Variants in MAPKAPK3 observed in about 807,000 individuals in gnomAD.
MAPKAPK3 encodes the protein MAPK activated protein kinase 3.
Under a neutral mutation model 49.2 loss-of-function variants are expected in MAPKAPK3, and 35 were observed. That is an observed-to-expected ratio of 0.71 (90% CI 0.54 to 0.94). The LOEUF (loss-of-function observed/expected upper bound fraction) is 0.94, where lower values mean the gene tolerates loss of function less well. MAPKAPK3 is among the 40% of genes least tolerant of loss of function. The probability of loss-of-function intolerance (pLI) is 0.00; values close to 1 mark genes in which losing one functional copy is unlikely to be tolerated. For synonymous variants in MAPKAPK3, 178 were observed against 188.7 expected, an observed-to-expected ratio of 0.94 and a Z score of 0.46; for missense variants, 398 against 493.1, an observed-to-expected ratio of 0.81 and a Z score of 1.83.
At chr3:50,644,118 A>T (rs1242870230) in intron 5 of MAPKAPK3, among the ~76,000 whole-genome samples, 1 of 152,154 alleles carries the variant, frequency 6.6e-6, no homozygotes, top group Non-Finnish European at 1.5e-5. Flanking sequence ...ATTTCATGGC[A>T]ATGTCACCAA....
intron 9 of MAPKAPK3, 122 bp downstream of exon 9, chr3:50,646,947 G>C: frequency 9.3e-7 from 1 of 1,078,648 alleles, no homozygotes. Context: ...ATGCACACAG[G>C]TAGATACTAG....
At chr3:50,647,831 G>A in intron 10 of MAPKAPK3, 63 bp from the exon 11 acceptor site, 4 of 1,501,838 alleles carry the variant, frequency 2.7e-6, no homozygotes, top group Admixed American at 4.1e-5. Context: ...AGGCAGGGGG[G>A]TGATGGTTCC....
chr3:50,646,479 C>A (rs916043523), intron 8 of MAPKAPK3, among the ~76,000 whole-genome samples: 1 of 152,226 alleles, frequency 6.6e-6, no homozygotes, highest in Admixed American at 6.5e-5. Context: ...CTCCCTCTAA[C>A]TCCTATTCCT....
intron 2 of MAPKAPK3, among the ~76,000 whole-genome samples, chr3:50,638,132 G>C (rs377275719): frequency 6.6e-6 from 1 of 152,160 alleles, no homozygotes; most frequent in African/African-American, 2.4e-5. Flanking sequence ...TCTGATGTGG[G>C]AGTGAGATGC....
Position 50,635,895 on chromosome 3 carries a change from C to T in MAPKAPK3, c.220-4471C>T, listed in dbSNP as rs578217237. 2.9e-5 allele frequency among the ~76,000 whole-genome samples: 3 copies of T among 102,374 alleles called. No homozygotes were observed. The South Asian group carries it at 9.7e-4, about 33-fold the overall frequency. 67.2% of individuals were successfully genotyped at this position (102,374 alleles called of 152,430 possible). On this transcript the variant is annotated intron_variant, in intron 2 of 10. Transcript: ENST00000621469. ...CCTAGGATTTCGAGACCAGCCTGGG[C>T]AACATGATAAAACCCCGTCTCTACC...
chr3:50,623,511 A>G (rs2032662021), intron 2 of MAPKAPK3, among the ~76,000 whole-genome samples: 1 of 152,160 alleles, frequency 6.6e-6, no homozygotes, highest in African/African-American at 2.4e-5. Flanking sequence ...AACTGATGCC[A>G]GCTCTCCAGG....
rs1236453020 is a variant in MAPKAPK3 at position 50,642,105 on chromosome 3, T to C, written c.425-148T>C. ...TGGGGTGTCTGGGGTGGCGTAGACA[T>C]CCCGGGATAGAGAACCTGGATAGCA... is the stretch of plus-strand genomic sequence containing the variant. On this transcript the variant is annotated intron_variant, in intron 4 of 10. Transcript: ENST00000621469. The C allele has an allele frequency of 4.6e-6, 3 of 657,922 alleles. No individual in the cohort carries two copies. In the African/African-American group the frequency reaches 5.4e-5, roughly 12 times the overall value. 40.8% of individuals were successfully genotyped at this position (657,922 alleles called of 1,614,324 possible).
At chr3:50,644,947 G>A (rs2033253717) in intron 6 of MAPKAPK3, among the ~76,000 whole-genome samples, 1 of 152,216 alleles carries the variant, frequency 6.6e-6, no homozygotes, top group African/African-American at 2.4e-5. Context: ...CACCTGCCTT[G>A]TGGGAGACGG....
Position 50,646,790 on chromosome 3 carries a change from A to C in MAPKAPK3, c.880A>C (p.Thr294Pro). Residue 294 changes from threonine (T) to proline (P), a missense_variant, in exon 9 of 11, where the codon ACC becomes CCC. Thr to Pro is a conservative substitution (Grantham distance 38, BLOSUM62 -1). Around this residue, in one of 5 missense-constraint regions of MAPKAPK3, gnomAD observed 152 missense variants for 177.3 expected, o/e 0.86. Transcript: ENST00000621469. ...LLKTDPTERL[T>P]ITQFMNHPWI... The stretch of plus-strand genomic sequence containing the variant: ...GAAGACAGACCCCACAGAGAGGCTG[A>C]CCATCACTCAGTTCATGAACCACCC... The C allele has an allele frequency of 6.2e-7, 1 of 1,614,008 alleles. No homozygotes were observed. The highest frequency in any genetic ancestry group is 8.5e-7 in the Non-Finnish European group (1 of 1,179,992).
upstream of MAPKAPK3, among the ~76,000 whole-genome samples, chr3:50,615,173 G>C (rs2032430365): frequency 6.6e-6 from 1 of 152,184 alleles, no homozygotes; most frequent in South Asian, 2.1e-4. Flanking sequence ...TGCCTTCAGA[G>C]AGCAGAGAGC....
intron 2 of MAPKAPK3, among the ~76,000 whole-genome samples, chr3:50,633,324 A>T (rs562071863): frequency 6.6e-6 from 1 of 152,160 alleles, no homozygotes; most frequent in East Asian, 1.9e-4. Flanking sequence ...GACTGGAGAC[A>T]CACATATGCC....
chr3:50,638,843 C>T (rs2033105296), intron 2 of MAPKAPK3, among the ~76,000 whole-genome samples: 1 of 152,204 alleles, frequency 6.6e-6, no homozygotes, highest in Non-Finnish European at 1.5e-5. Context: ...GCTGGGGCAG[C>T]CCAGGGTCCT....
chr3:50,611,598 G>A, upstream of MAPKAPK3: 1 of 1,522,958 alleles, frequency 6.6e-7, no homozygotes, highest in Non-Finnish European at 8.8e-7. Context: ...GCCCCTCGTG[G>A]TGGCCGGGAA....
chr3:50,641,863 C>G (rs2033183856), intron 4 of MAPKAPK3, 92 bp downstream of exon 4: 1 of 1,067,968 alleles, frequency 9.4e-7, no homozygotes, highest in Non-Finnish European at 1.5e-6. Flanking sequence ...CCCTGTTCCT[C>G]TCAGTCTTCC....
upstream of MAPKAPK3, among the ~76,000 whole-genome samples, chr3:50,614,621 G>A (rs900031848): frequency 6.6e-6 from 1 of 151,414 alleles, no homozygotes; most frequent in Non-Finnish European, 1.5e-5. Context: ...GGGCTGTGTG[G>A]CAGAGTCTGC....
At chr3:50,622,671 G>T (rs1235102333) in intron 2 of MAPKAPK3, among the ~76,000 whole-genome samples, 1 of 152,188 alleles carries the variant, frequency 6.6e-6, no homozygotes, top group East Asian at 1.9e-4. Flanking sequence ...TTACAGCTCA[G>T]AGATAAGCCA....
chr3:50,617,792 A>G lies in MAPKAPK3; in HGVS notation c.219+8A>G, dbSNP rs779935731. The stretch of plus-strand genomic sequence containing the variant: ...CAGAAGTGTGCCCTGAAGGTCAGTG[A>G]GCCCTCACTGAGGCCTGGGGTATCC... On this transcript the variant is annotated splice_region_variant and intron_variant, in intron 2 of 10. Coordinates refer to ENST00000621469, the MANE Select transcript of MAPKAPK3 (RefSeq NM_001243925.2). 15 of 1,610,622 alleles carry G rather than the reference A, an allele frequency of 9.3e-6. No homozygotes were observed. The highest frequency in any genetic ancestry group is 1.7e-5 in the Admixed American group (1 of 59,988).
intron 2 of MAPKAPK3, among the ~76,000 whole-genome samples, chr3:50,633,991 C>T (rs577587745): frequency 1.3e-5 from 2 of 152,274 alleles, no homozygotes; most frequent in Admixed American, 6.5e-5. Context: ...TAGAGGGGCA[C>T]GGGCCCTTCT....
At chr3:50,624,293 GTGTGTA>G (rs1305452021) in intron 2 of MAPKAPK3, among the ~76,000 whole-genome samples, 7 of 150,494 alleles carry the variant, frequency 4.7e-5, no homozygotes, top group South Asian at 2.1e-4. Context: ...GTGTGTGTGT[GTGTGTA>G]TGTGTATGTG....
Sources: allele counts gnomAD v4.1 joint callset (sites outside exome capture counted in the v4.1 genomes callset), GRCh38; gene constraint gnomAD v4.1.1; regional missense constraint gnomAD v4.1.1; transcripts MANE v1.5; gene names NCBI Gene and HGNC (gene_info 2026-07-23, HGNC 2026-07-21).